Variants in TSPAN5 observed in about 807,000 individuals in gnomAD.
TSPAN5 encodes the protein tetraspanin-5.
TSPAN5 carries 10 observed loss-of-function variants against 37.1 expected under a neutral mutation model. That is an observed-to-expected ratio of 0.27 (90% confidence interval 0.17 to 0.46). The LOEUF is 0.46. Ranked by LOEUF, TSPAN5 falls within the 20% of genes least tolerant of loss-of-function variation. The pLI, the probability that TSPAN5 is intolerant of heterozygous loss-of-function variation, is 1.00. For missense variants in TSPAN5, 195 were observed against 326.6 expected, an observed-to-expected ratio of 0.60 and a Z score of 3.11; for synonymous variants, 110 against 118.9, an observed-to-expected ratio of 0.93 and a Z score of 0.48.
intron 3 of TSPAN5, chr4:98,484,636 C>G (rs1342844737): frequency 2.2e-6 from 1 of 447,148 alleles, no homozygotes. Flanking sequence ...GGGGCCACCA[C>G]TATAAATGAA....
At chr4:98,619,937 T>A (rs1756443255) in intron 1 of TSPAN5, among the ~76,000 whole-genome samples, 1 of 152,090 alleles carries the variant, frequency 6.6e-6, no homozygotes, top group South Asian at 2.1e-4. Flanking sequence ...ACCCTTAGGA[T>A]CTAATTACCT....
intron 1 of TSPAN5, among the ~76,000 whole-genome samples, chr4:98,557,393 A>G (rs1009464349): frequency 6.6e-6 from 1 of 152,212 alleles, no homozygotes; most frequent in Non-Finnish European, 1.5e-5. Flanking sequence ...TACAAATTCT[A>G]CAGTCTCTGA....
At position 98,575,764 on chromosome 4, in the gene TSPAN5, C is replaced by T. The variant is rs555306272; in HGVS notation, c.82-68036G>A. The stretch of plus-strand genomic sequence containing the variant: ...GCCATTCCCATCCATCTGCGCCCCC[C>T]ACCCCACAAAAAAAAAAAAAAAAGT... On this transcript the variant is annotated intron_variant, in intron 1 of 7. Coordinates refer to ENST00000305798, the MANE Select transcript of TSPAN5 (RefSeq NM_005723.4). Among the ~76,000 whole-genome samples, 96 of 94,376 alleles carry T rather than the reference C, an allele frequency of 1.0e-3. 1 individual carries two copies. The South Asian group carries it at 0.019, about 19-fold the overall frequency. 61.9% of individuals were successfully genotyped at this position (94,376 alleles called of 152,430 possible).
intron 1 of TSPAN5, among the ~76,000 whole-genome samples, chr4:98,574,177 G>A (rs180987318): frequency 4.6e-5 from 7 of 152,216 alleles, no homozygotes; most frequent in African/African-American, 7.2e-5. Context: ...AAGTTAACCC[G>A]TTACCAAAAA....
chr4:98,562,617 C>A (rs907675440), intron 1 of TSPAN5, among the ~76,000 whole-genome samples: 1 of 151,970 alleles, frequency 6.6e-6, no homozygotes, highest in African/African-American at 2.4e-5. Context: ...GCCGAGATCG[C>A]GCCACTGCAC....
chr4:98,630,599 T>C (rs538956238), intron 1 of TSPAN5, among the ~76,000 whole-genome samples: 4 of 152,214 alleles, frequency 2.6e-5, no homozygotes, highest in African/African-American at 7.2e-5. Context: ...ACTGTGCACA[T>C]AACTAGAAAG....
At chr4:98,477,853 TCTCA>T (rs1752741944) in intron 5 of TSPAN5, among the ~76,000 whole-genome samples, 1 of 151,704 alleles carries the variant, frequency 6.6e-6, no homozygotes, top group Non-Finnish European at 1.5e-5. Context: ...AGAGATGGGG[TCTCA>T]CTATGTTGCT....
chr4:98,641,287 C>G (rs1335996060), intron 1 of TSPAN5, among the ~76,000 whole-genome samples: 1 of 152,042 alleles, frequency 6.6e-6, no homozygotes, highest in African/African-American at 2.4e-5. Flanking sequence ...TGTTCGTCAC[C>G]ACAGAACCTT....
intron 1 of TSPAN5, among the ~76,000 whole-genome samples, chr4:98,571,274 C>A (rs1433590147): frequency 6.6e-6 from 1 of 152,104 alleles, no homozygotes; most frequent in Non-Finnish European, 1.5e-5. Flanking sequence ...ACCCTGAAGT[C>A]CGTGGCCACT....
At chr4:98,563,303 T>C (rs1299353486) in intron 1 of TSPAN5, among the ~76,000 whole-genome samples, 4 of 152,206 alleles carry the variant, frequency 2.6e-5, no homozygotes, top group Non-Finnish European at 5.9e-5. Flanking sequence ...ACTTCATTTT[T>C]GCCTAGGCTT....
At chr4:98,475,941 G>C (rs1357337643) in intron 7 of TSPAN5, among the ~76,000 whole-genome samples, 1 of 151,974 alleles carries the variant, frequency 6.6e-6, no homozygotes, top group African/African-American at 2.4e-5. Context: ...AGTGAGCCAA[G>C]ATCATGCCAC....
intron 1 of TSPAN5, among the ~76,000 whole-genome samples, chr4:98,649,200 C>T (rs1757131709): frequency 6.6e-6 from 1 of 151,890 alleles, no homozygotes; most frequent in Non-Finnish European, 1.5e-5. Flanking sequence ...CTTAGTATCC[C>T]AAAATATCAA....
At chr4:98,606,921 T>G (rs1249343843) in intron 1 of TSPAN5, among the ~76,000 whole-genome samples, 1 of 151,820 alleles carries the variant, frequency 6.6e-6, no homozygotes, top group Admixed American at 6.6e-5. Context: ...AAAGAAAGAG[T>G]ACTTCCTAAA....
chr4:98,476,804 A>G (rs903858623), intron 5 of TSPAN5, among the ~76,000 whole-genome samples: 3 of 152,232 alleles, frequency 2.0e-5, no homozygotes, highest in South Asian at 2.1e-4. Context: ...CAGATAAAAA[A>G]CATAAAGGGC....
At chr4:98,487,294 G>A (rs932354713) in intron 2 of TSPAN5, among the ~76,000 whole-genome samples, 18 of 149,880 alleles carry the variant, frequency 1.2e-4, no homozygotes, top group Non-Finnish European at 1.9e-4. Context: ...GACCCTGTAA[G>A]GAGAAGACGT....
chr4:98,472,842 C>T (rs981195954), intron 7 of TSPAN5, among the ~76,000 whole-genome samples: 1 of 152,190 alleles, frequency 6.6e-6, no homozygotes, highest in Admixed American at 6.5e-5. Context: ...CAGTCATTCC[C>T]ATCCCACCAT....
At chr4:98,602,056 A>G (rs1021611526) in intron 1 of TSPAN5, among the ~76,000 whole-genome samples, 1 of 152,210 alleles carries the variant, frequency 6.6e-6, no homozygotes, top group Non-Finnish European at 1.5e-5. Flanking sequence ...AAACAATTAC[A>G]ATAGTAACAT....
intron 1 of TSPAN5, among the ~76,000 whole-genome samples, chr4:98,592,318 C>A (rs1458153918): frequency 6.7e-6 from 1 of 149,826 alleles, no homozygotes; most frequent in Admixed American, 6.6e-5. Flanking sequence ...TGTTCGGTGC[C>A]ACATAATGAA....
At chr4:98,532,598 G>A (rs142731980) in intron 1 of TSPAN5, among the ~76,000 whole-genome samples, 33,663 of 117,006 alleles carry the variant, frequency 0.29, 3,901 homozygotes, top group African/African-American at 0.39. Context: ...GGGCTGAGAC[G>A]ATGGGGTTTT....
Sources: gnomAD v4.1 joint callset for allele counts (sites outside exome capture counted in the v4.1 genomes callset) on GRCh38, gnomAD v4.1.1 for gene constraint, MANE v1.5 for transcripts, NCBI Gene and HGNC (gene_info 2026-07-23, HGNC 2026-07-21) for gene names.